PCDHGB1: variants seen among roughly 807,000 people sequenced by gnomAD.
The protein encoded by PCDHGB1 is protocadherin gamma subfamily B, 1.
Under a neutral mutation model 56.6 loss-of-function variants are expected in PCDHGB1, and 34 were observed. The ratio of observed to expected loss-of-function variants is 0.60; its 90% CI spans 0.46 to 0.80. PCDHGB1 has a LOEUF of 0.80. Among genes scored for constraint, PCDHGB1 ranks in the 30% least tolerant of loss-of-function variants. PCDHGB1 has a pLI of 0.00. For missense variants in PCDHGB1, 1,278 were observed against 1,204.6 expected (o/e 1.06, Z -0.90); for synonymous variants, 561 against 505.9 (o/e 1.11, Z -1.46).
intron 1 of PCDHGB1, chr5:141,420,939 C>A: frequency 2.6e-6 from 1 of 387,512 alleles, no homozygotes; most frequent in South Asian, 5.2e-5. Context: ...GTAATCATTT[C>A]TTCTGGAATT....
intron 1 of PCDHGB1, among the ~76,000 whole-genome samples, chr5:141,381,395 C>T (rs1588899901): frequency 6.6e-6 from 1 of 152,328 alleles, no homozygotes; most frequent in South Asian, 2.1e-4. Flanking sequence ...TAGTTTTACT[C>T]TATCAACATC....
At chr5:141,502,231 G>A (rs2099813372) in intron 2 of PCDHGB1, among the ~76,000 whole-genome samples, 1 of 152,172 alleles carries the variant, frequency 6.6e-6, no homozygotes, top group Non-Finnish European at 1.5e-5. Context: ...TGTTCTGTGT[G>A]TTCTTTTATC....
chr5:141,401,083 C>T (rs2094110284), intron 1 of PCDHGB1, among the ~76,000 whole-genome samples: 1 of 152,176 alleles, frequency 6.6e-6, no homozygotes, highest in Admixed American at 6.5e-5. Context: ...GTGGCTCATG[C>T]CTGTAATCCC....
Position 141,491,265 on chromosome 5 carries a change from CA to C in PCDHGB1, c.2410-3539del. ...AGGATGAGGACCCTGAGGAAATGCC[CA>C]AATCCAGTGACTTCCTCATACACCC... On this transcript the variant is annotated intron_variant, in intron 1 of 3. Coordinates refer to ENST00000523390, the MANE Select transcript of PCDHGB1 (RefSeq NM_018922.3). This position sits in a 1 kb window ranked among gnomAD's most constrained non-coding sequence, Gnocchi z 6.9. 1 of 1,614,074 alleles carries C rather than the reference CA, an allele frequency of 6.2e-7. No individual in the cohort carries two copies.
chr5:141,378,347 A>AC (rs1159176401), intron 1 of PCDHGB1: 1 of 152,134 alleles, frequency 6.6e-6, no homozygotes, highest in Non-Finnish European at 1.5e-5. Flanking sequence ...ACATGGTGAA[A>AC]CCCCGTCTCT....
chr5:141,370,143 C>G (rs931664549), intron 1 of PCDHGB1: 1 of 431,310 alleles, frequency 2.3e-6, no homozygotes, highest in African/African-American at 2.0e-5. Context: ...ATTTAGTCAC[C>G]ATTACTGCAG....
intron 1 of PCDHGB1, chr5:141,408,083 C>A: frequency 7.1e-7 from 1 of 1,414,576 alleles, no homozygotes; most frequent in Non-Finnish European, 9.3e-7. Flanking sequence ...CCCAGCACAG[C>A]GGATTGCCAG....
chr5:141,477,013 T>C lies in PCDHGB1; in HGVS notation c.2410-17794T>C. ...TGCGGCAACTATTCGCCTTAGACCT[T>C]GTAACCGGGATGCTGACAATCAAGG... On this transcript the variant is annotated intron_variant, in intron 1 of 3. Coordinates refer to ENST00000523390, the MANE Select transcript of PCDHGB1 (RefSeq NM_018922.3). The surrounding 1 kb of genome is among the most constrained non-coding windows in gnomAD (Gnocchi z 4.9). 6.2e-7 allele frequency: 1 copy of C among 1,614,204 alleles called. No homozygotes were observed. The highest frequency in any genetic ancestry group is 8.5e-7 in the Non-Finnish European group (1 of 1,180,028).
intron 1 of PCDHGB1, among the ~76,000 whole-genome samples, chr5:141,469,522 C>T (rs1409427974): frequency 2.6e-5 from 4 of 152,088 alleles, no homozygotes; most frequent in African/African-American, 9.7e-5. Flanking sequence ...TTGCAGTGAG[C>T]CAAGATTGTG....
intron 1 of PCDHGB1, chr5:141,375,772 G>C (rs769630296): frequency 2.5e-6 from 4 of 1,614,228 alleles, no homozygotes; most frequent in Admixed American, 3.3e-5. Flanking sequence ...CCGAGATCCT[G>C]TACCCCGCCC....
rs768265171 is a variant in PCDHGB1, at chr5:141,432,847, G to T, written c.2410-61960G>T. The T allele has an allele frequency of 6.2e-7, 1 of 1,614,180 alleles. No homozygotes were observed. On this transcript the variant is annotated intron_variant, in intron 1 of 3. Transcript: ENST00000523390. The surrounding 1 kb of genome is among the most constrained non-coding windows in gnomAD (Gnocchi z 6.0). ...ACCTCACTCTGTACCTGGTGGTAGC[G>T]GTGGCCGCGGTCTCCTGCGTCTTCC...
At chr5:141,440,868 T>A (rs1288344051) in intron 1 of PCDHGB1, 1 of 152,150 alleles carries the variant, frequency 6.6e-6, no homozygotes, top group East Asian at 1.9e-4. Flanking sequence ...ATCTAGGATG[T>A]GTACAGCGTC....
At chr5:141,420,210 A>T (rs1415966611) in intron 1 of PCDHGB1, 1 of 1,612,612 alleles carries the variant, frequency 6.2e-7, no homozygotes, top group East Asian at 2.2e-5. Flanking sequence ...CTCAACAAAG[A>T]TAGCATGCTA....
At chr5:141,458,485 A>G (rs2098946793) in intron 1 of PCDHGB1, among the ~76,000 whole-genome samples, 1 of 151,558 alleles carries the variant, frequency 6.6e-6, no homozygotes, top group Non-Finnish European at 1.5e-5. Context: ...GAAAATGAGG[A>G]CTGCCTGTAC....
At chr5:141,371,972 T>A in intron 1 of PCDHGB1, 1 of 1,613,166 alleles carries the variant, frequency 6.2e-7, no homozygotes, top group Non-Finnish European at 8.5e-7. Context: ...AGCAGCTGCG[T>A]GCCTTCGAGC....
chr5:141,458,408 C>T (rs895785923), intron 1 of PCDHGB1, among the ~76,000 whole-genome samples: 3 of 151,932 alleles, frequency 2.0e-5, no homozygotes, highest in Non-Finnish European at 2.9e-5. Context: ...AGAGACGGAG[C>T]GGGGGTTCCA....
At position 141,489,754 on chromosome 5, in the gene PCDHGB1, C is replaced by G; in HGVS notation, c.2410-5053C>G. 1 of 1,614,110 alleles carries G rather than the reference C, an allele frequency of 6.2e-7. No homozygotes were observed. The highest frequency in any genetic ancestry group is 8.5e-7 in the Non-Finnish European group (1 of 1,179,972). ...CACCAATACTGTGAGCTTTTACACT[C>G]TAAGCCCCAACAGCCACTTCTCTCT... On this transcript the variant is annotated intron_variant, in intron 1 of 3. Coordinates refer to ENST00000523390, the MANE Select transcript of PCDHGB1 (RefSeq NM_018922.3). The surrounding 1 kb of genome is among the most constrained non-coding windows in gnomAD (Gnocchi z 4.5).
chr5:141,421,477 A>G (rs755936665), intron 1 of PCDHGB1: 23 of 1,614,022 alleles, frequency 1.4e-5, no homozygotes, highest in Non-Finnish European at 1.7e-6. Context: ...GCGAAGCGGC[A>G]GCTTGATCAC....
At chr5:141,355,202 T>C (rs774942581) in intron 1 of PCDHGB1, 105 of 1,597,250 alleles carry the variant, frequency 6.6e-5, no homozygotes, top group Non-Finnish European at 8.4e-5. Context: ...GGGGTTGTAA[T>C]GGCGGCGCCT....
Sources: gnomAD v4.1 joint callset for allele counts (sites outside exome capture counted in the v4.1 genomes callset) on GRCh38, gnomAD v4.1.1 for gene constraint, Gnocchi (gnomAD v3.1) non-coding constraint, MANE v1.5 for transcripts, NCBI Gene and HGNC (gene_info 2026-07-23, HGNC 2026-07-21) for gene names.